Variants in NTNG1 observed in about 807,000 individuals in gnomAD.
The protein encoded by NTNG1 is netrin-G1.
NTNG1 carries 16 observed loss-of-function variants against 54.0 expected under a neutral mutation model. The ratio of observed to expected loss-of-function variants is 0.30; its 90% CI spans 0.20 to 0.45. The LOEUF is 0.45. NTNG1 is among the 20% of genes least tolerant of loss of function. The pLI, the probability that NTNG1 is intolerant of heterozygous loss-of-function variation, is 1.00. For missense variants in NTNG1, 530 were observed against 678.7 expected, an observed-to-expected ratio of 0.78 and a Z score of 2.43; for synonymous variants, 255 against 263.1, an observed-to-expected ratio of 0.97 and a Z score of 0.30.
At chr1:107,415,201 G>T (rs747021573) in intron 5 of NTNG1, among the ~76,000 whole-genome samples, 1 of 152,100 alleles carries the variant, frequency 6.6e-6, no homozygotes, top group Non-Finnish European at 1.5e-5. Flanking sequence ...TGAATGATTT[G>T]CCATTTACAA....
chr1:107,335,227 G>A (rs886187804), intron 3 of NTNG1, among the ~76,000 whole-genome samples: 18 of 151,958 alleles, frequency 1.2e-4, no homozygotes, highest in African/African-American at 3.6e-4. Context: ...TCATTCTCAA[G>A]CAATATTTAG....
intron 2 of NTNG1, among the ~76,000 whole-genome samples, chr1:107,166,805 A>G (rs1009313310): frequency 2.0e-5 from 3 of 152,094 alleles, no homozygotes; most frequent in South Asian, 2.1e-4. Context: ...GCCTTTGCCT[A>G]TCAAAAACGT....
chr1:107,200,257 G>A (rs1231631242), intron 2 of NTNG1, among the ~76,000 whole-genome samples: 1 of 151,824 alleles, frequency 6.6e-6, no homozygotes, highest in East Asian at 1.9e-4. Context: ...TGTTAGGTAA[G>A]TACAAGAGTG....
At chr1:107,348,567 C>T (rs1669408729) in intron 3 of NTNG1, among the ~76,000 whole-genome samples, 1 of 152,216 alleles carries the variant, frequency 6.6e-6, no homozygotes, top group East Asian at 1.9e-4. Context: ...AGCCTCAGCT[C>T]TCAGACCTCC....
At chr1:107,253,669 G>C (rs994821422) in intron 2 of NTNG1, among the ~76,000 whole-genome samples, 3 of 152,104 alleles carry the variant, frequency 2.0e-5, no homozygotes. Context: ...TAATGGCTTC[G>C]CTGATATTTA....
At chr1:107,304,438 T>C (rs1333582473) in intron 2 of NTNG1, among the ~76,000 whole-genome samples, 1 of 152,180 alleles carries the variant, frequency 6.6e-6, no homozygotes, top group Non-Finnish European at 1.5e-5. Flanking sequence ...AATTCTTCCT[T>C]TCTATAGAAG....
intron 3 of NTNG1, among the ~76,000 whole-genome samples, chr1:107,345,132 T>G (rs893771717): frequency 4.6e-5 from 7 of 152,178 alleles, no homozygotes; most frequent in African/African-American, 1.7e-4. Flanking sequence ...GGTCTGACCA[T>G]GAAAATCTCT....
chr1:107,323,327 A>T (rs531689854), intron 2 of NTNG1, among the ~76,000 whole-genome samples: 32 of 152,276 alleles, frequency 2.1e-4, no homozygotes, highest in African/African-American at 6.7e-4. Context: ...GAATCTACTG[A>T]TGAAAGCTGA....
intron 3 of NTNG1, among the ~76,000 whole-genome samples, chr1:107,346,573 TA>T (rs907956178): frequency 1.3e-5 from 2 of 152,080 alleles, no homozygotes; most frequent in Non-Finnish European, 2.9e-5. Flanking sequence ...TGGCAAGTTT[TA>T]AAAAACTCCT....
chr1:107,215,494 C>A (rs971702136), intron 2 of NTNG1, among the ~76,000 whole-genome samples: 1 of 152,074 alleles, frequency 6.6e-6, no homozygotes, highest in Non-Finnish European at 1.5e-5. Context: ...GGTCTATGTG[C>A]CTGTTTTTAT....
intron 7 of NTNG1, among the ~76,000 whole-genome samples, chr1:107,439,905 C>T (rs1423807369): frequency 6.6e-6 from 1 of 151,820 alleles, no homozygotes; most frequent in East Asian, 1.9e-4. Flanking sequence ...TCCTCACACA[C>T]ATGAATGCAC....
In NTNG1 at chr1:107,391,062, A is replaced by G. The variant is rs552029519; in HGVS notation, c.888-4092A>G. On this transcript the variant is annotated intron_variant, in intron 3 of 7. Coordinates refer to ENST00000370068, the MANE Select transcript of NTNG1 (RefSeq NM_001113226.3). Reference sequence around the variant, plus strand: ...TACAGGTTAATATCTGAAGGGAAGAATTATCCTGATCAAAGAGGTAGGAAT... The same window carrying G: ...TACAGGTTAATATCTGAAGGGAAGAGTTATCCTGATCAAAGAGGTAGGAAT... Among the ~76,000 whole-genome samples, 4 of 152,298 alleles carry G rather than the reference A, an allele frequency of 2.6e-5. No homozygotes were observed. The South Asian group carries it at 8.3e-4, about 32-fold the overall frequency.
intron 2 of NTNG1, among the ~76,000 whole-genome samples, chr1:107,155,346 C>T (rs962072886): frequency 1.3e-5 from 2 of 151,882 alleles, no homozygotes; most frequent in Non-Finnish European, 2.9e-5. Context: ...CTGATGCCAC[C>T]TATCTTTCAA....
chr1:107,152,875 T>G (rs994881894), intron 2 of NTNG1, among the ~76,000 whole-genome samples: 3 of 152,202 alleles, frequency 2.0e-5, no homozygotes, highest in Non-Finnish European at 2.9e-5. Flanking sequence ...ATAACCTCAT[T>G]ATGTTTACTG....
chr1:107,196,227 C>T (rs558527148), intron 2 of NTNG1, among the ~76,000 whole-genome samples: 1 of 152,010 alleles, frequency 6.6e-6, no homozygotes, highest in South Asian at 2.1e-4. Context: ...GGCAGATGGA[C>T]TTATGTTTAA....
At chr1:107,347,554 G>A (rs1669323920) in intron 3 of NTNG1, among the ~76,000 whole-genome samples, 1 of 152,150 alleles carries the variant, frequency 6.6e-6, no homozygotes, top group South Asian at 2.1e-4. Context: ...CTGGCCTCAT[G>A]AGATTGTTGA....
intron 6 of NTNG1, among the ~76,000 whole-genome samples, chr1:107,436,279 C>T (rs1675587371): frequency 1.3e-5 from 2 of 152,166 alleles, no homozygotes; most frequent in African/African-American, 4.8e-5. Context: ...AGTGCAATGG[C>T]TAAGCCCATT....
At chr1:107,410,016 G>T (rs1243307686) in intron 5 of NTNG1, 1 of 152,090 alleles carries the variant, frequency 6.6e-6, no homozygotes, top group Non-Finnish European at 1.5e-5. Flanking sequence ...GGTTTTCAAG[G>T]TGCAAGCCAG....
At chr1:107,335,164 C>T (rs1292369044) in intron 3 of NTNG1, among the ~76,000 whole-genome samples, 2 of 151,930 alleles carry the variant, frequency 1.3e-5, no homozygotes, top group Admixed American at 1.3e-4. Flanking sequence ...AAATTGTGAT[C>T]CTTAATCCCT....
Sources: gnomAD v4.1 joint callset for allele counts (sites outside exome capture counted in the v4.1 genomes callset) on GRCh38, gnomAD v4.1.1 for gene constraint, MANE v1.5 for transcripts, NCBI Gene and HGNC (gene_info 2026-07-23, HGNC 2026-07-21) for gene names.